Variants in FUCA1 observed in about 807,000 individuals in gnomAD.
FUCA1 encodes the protein tissue alpha-L-fucosidase.
A neutral mutation model predicts 56.8 loss-of-function variants in FUCA1; 52 were observed. That is an observed-to-expected ratio of 0.92 (90% CI 0.73 to 1.15). The LOEUF is 1.15. FUCA1 is among the 50% of genes most tolerant of loss of function. FUCA1 has a pLI of 0.00. For synonymous variants in FUCA1, 230 were observed against 226.6 expected (o/e 1.02, Z -0.14); for missense variants, 568 against 592.6 (o/e 0.96, Z 0.43).
At chr1:23,864,187 C>T (rs1204852041) in intron 2 of FUCA1, among the ~76,000 whole-genome samples, 4 of 149,858 alleles carry the variant, frequency 2.7e-5, no homozygotes, top group South Asian at 4.2e-4. Flanking sequence ...CCCGGGTTCA[C>T]GCCATTCTCC....
chr1:23,853,379 CGGGA>C (rs1639315115), intron 5 of FUCA1, among the ~76,000 whole-genome samples: 1 of 147,802 alleles, frequency 6.8e-6, no homozygotes, highest in South Asian at 2.1e-4. Flanking sequence ...CCGCCCCGTC[CGGGA>C]GGGAGGTGGG....
At position 23,845,648 on chromosome 1, in the gene FUCA1, T is replaced by A; in HGVS notation, c.*67A>T. On this transcript the variant is annotated 3_prime_UTR_variant, in exon 8 of 8. Transcript: ENST00000374479. ...AGAAGTTCGTTGATTATAGTGATGG[T>A]ACTATAAGAGAAAAACTGAAGCAGG... 4 of 1,574,234 alleles carry A rather than the reference T, an allele frequency of 2.5e-6. No homozygotes were observed. Among genetic ancestry groups the A allele is most frequent in the Admixed American group, 3.3e-5 (2 of 59,954 alleles).
chr1:23,845,906 T>TAGAATACAGGCTGACTATGGTAGGA (rs1639129585), intron 7 of FUCA1, 51 bp from the exon 8 acceptor site: 1 of 1,609,160 alleles, frequency 6.2e-7, no homozygotes, highest in Admixed American at 1.7e-5. Context: ...CTAATGAGTA[T>TAGAATACAGGCTGACTATGGTAGGA]AGAATACAGG....
In FUCA1 at chr1:23,854,577, T is replaced by C. The variant is rs1381505054; in HGVS notation, c.769-17A>G. 6.2e-7 allele frequency: 1 copy of C among 1,604,096 alleles called. No individual in the cohort carries two copies. The highest frequency in any genetic ancestry group is 1.3e-5 in the African/African-American group (1 of 74,724). ...CACCTCATCCTAAGGAGGGAAAGAA[T>C]ATTTGGTCATGAGGAGTAAAACCAC... On this transcript the variant is annotated splice_polypyrimidine_tract_variant and intron_variant, in intron 4 of 7. Coordinates refer to ENST00000374479, the MANE Select transcript of FUCA1 (RefSeq NM_000147.5).
intron 2 of FUCA1, 88 bp downstream of exon 2, chr1:23,865,403 C>T: frequency 6.4e-7 from 1 of 1,568,870 alleles, no homozygotes; most frequent in Non-Finnish European, 8.8e-7. Context: ...ATATGCAAAC[C>T]TAGAAAACAC....
chr1:23,845,656 G>C lies in FUCA1; in HGVS notation c.*59C>G, dbSNP rs1639122198. 1 of 1,604,940 alleles carries C rather than the reference G, an allele frequency of 6.2e-7. No homozygotes were observed. Among genetic ancestry groups the C allele is most frequent in the African/African-American group, 1.3e-5 (1 of 74,754 alleles). On this transcript the variant is annotated 3_prime_UTR_variant, in exon 8 of 8. Transcript: ENST00000374479. ...GTTGATTATAGTGATGGTACTATAA[G>C]AGAAAAACTGAAGCAGGAAAACAGT...
intron 3 of FUCA1, among the ~76,000 whole-genome samples, chr1:23,860,974 G>A (rs1411339538): frequency 2.0e-5 from 3 of 151,750 alleles, no homozygotes; most frequent in Non-Finnish European, 4.4e-5. Context: ...GGAAATGGAG[G>A]TGTAATCAGC....
intron 6 of FUCA1, among the ~76,000 whole-genome samples, chr1:23,847,839 T>C (rs1639173421): frequency 6.6e-6 from 1 of 152,116 alleles, no homozygotes; most frequent in South Asian, 2.1e-4. Context: ...CTGGCCAACA[T>C]GGTGAAACCC....
chr1:23,851,195 C>G (rs1639248032), intron 5 of FUCA1, among the ~76,000 whole-genome samples: 2 of 152,042 alleles, frequency 1.3e-5, no homozygotes, highest in Admixed American at 1.3e-4. Context: ...GAAACCCTGT[C>G]TCTACTAAAA....
At chr1:23,862,927 T>G (rs1447044290) in intron 3 of FUCA1, among the ~76,000 whole-genome samples, 1 of 152,224 alleles carries the variant, frequency 6.6e-6, no homozygotes, top group African/African-American at 2.4e-5. Flanking sequence ...ATTGTTTCAA[T>G]GTAGAAGGCA....
chr1:23,848,504 G>T, intron 6 of FUCA1, 145 bp downstream of exon 6: 1 of 757,244 alleles, frequency 1.3e-6, no homozygotes, highest in Non-Finnish European at 2.3e-6. Context: ...TAACTCAAAT[G>T]GGGTACAAAT....
intron 6 of FUCA1, among the ~76,000 whole-genome samples, chr1:23,847,412 A>G (rs1476219786): frequency 6.6e-6 from 1 of 152,112 alleles, no homozygotes; most frequent in Non-Finnish European, 1.5e-5. Context: ...AGAGGATGAA[A>G]ATCACTACTA....
At chr1:23,849,762 T>G (rs1340622318) in intron 5 of FUCA1, among the ~76,000 whole-genome samples, 3 of 151,544 alleles carry the variant, frequency 2.0e-5, no homozygotes, top group African/African-American at 7.3e-5. Context: ...TTTGTATTTT[T>G]AGTAGAGATG....
At chr1:23,846,211 C>T in intron 6 of FUCA1, 38 bp from the exon 7 acceptor site, 1 of 1,261,072 alleles carries the variant, frequency 7.9e-7, no homozygotes, top group Non-Finnish European at 1.2e-6. Context: ...AGATACCTGA[C>T]TTGTTATCCT....
At chr1:23,846,301 T>G (rs1639139318) in intron 6 of FUCA1, 128 bp from the exon 7 acceptor site, 1 of 701,330 alleles carries the variant, frequency 1.4e-6, no homozygotes, top group Non-Finnish European at 2.4e-6. Flanking sequence ...AGACAGAGTC[T>G]CCCTCTGTTG....
chr1:23,846,883 A>G (rs1255849206), intron 6 of FUCA1, among the ~76,000 whole-genome samples: 1 of 151,736 alleles, frequency 6.6e-6, no homozygotes, highest in Non-Finnish European at 1.5e-5. Flanking sequence ...TTTTGGGCCT[A>G]ATTTCTTTTT....
intron 5 of FUCA1, among the ~76,000 whole-genome samples, chr1:23,853,047 C>A (rs1639301574): frequency 6.8e-6 from 1 of 146,142 alleles, no homozygotes; most frequent in Non-Finnish European, 1.5e-5. Flanking sequence ...CTCTTCCCGG[C>A]CGCCATCCCA....
chr1:23,864,766 G>A (rs907965294), intron 2 of FUCA1, among the ~76,000 whole-genome samples: 2 of 150,210 alleles, frequency 1.3e-5, no homozygotes, highest in Admixed American at 6.7e-5. Context: ...GTGCAGTGGT[G>A]CGATCTTGGC....
chr1:23,848,825 T>C lies in FUCA1; in HGVS notation c.984A>G (p.Thr328=). The change falls in exon 6 of 8, where the codon ACA becomes ACG. Residue 328 remains threonine, a synonymous_variant. Coordinates refer to ENST00000374479, the MANE Select transcript of FUCA1 (RefSeq NM_000147.5). ...GAAGATAGTTGCCTCCCAAACTTAC[T>C]GTCTGAACCAGTTCCTGGAGAGAAC... is the stretch of plus-strand genomic sequence containing the variant. ...ESEIISELVQ[T]VSLGGNYLLN... is the part of the protein sequence containing the mutation. 1 of 1,614,112 alleles carries C rather than the reference T, an allele frequency of 6.2e-7. No homozygotes were observed. The highest frequency in any genetic ancestry group is 8.5e-7 in the Non-Finnish European group (1 of 1,179,930).
Sources: allele counts gnomAD v4.1 joint callset (sites outside exome capture counted in the v4.1 genomes callset), GRCh38; gene constraint gnomAD v4.1.1; transcripts MANE v1.5; gene names NCBI Gene and HGNC (gene_info 2026-07-23, HGNC 2026-07-21).